The following FHIT variants were observed in gnomAD, a reference collection of about 807,000 sequenced individuals.
The protein encoded by FHIT is fragile histidine triad diadenosine triphosphatase.
FHIT carries 19 observed loss-of-function variants against 17.9 expected under a neutral mutation model. That is an observed-to-expected ratio of 1.06 (90% CI 0.74 to 1.56). The LOEUF is 1.56. FHIT is among the 40% of genes most tolerant of loss of function. The probability of loss-of-function intolerance (pLI) is 0.00; values close to 1 mark genes in which losing one functional copy is unlikely to be tolerated. For synonymous variants in FHIT, 81 were observed against 69.7 expected (o/e 1.16, Z -0.81); for missense variants, 248 against 189.2 (o/e 1.31, Z -1.82).
intron 2 of FHIT, among the ~76,000 whole-genome samples, chr3:61,058,061 A>C (rs1399227496): frequency 6.6e-6 from 1 of 152,190 alleles, no homozygotes; most frequent in African/African-American, 2.4e-5. Flanking sequence ...ACAGAAAAAA[A>C]AAAGACAAAA....
intron 3 of FHIT, among the ~76,000 whole-genome samples, chr3:60,824,719 C>T (rs1021208704): frequency 1.3e-5 from 2 of 152,074 alleles, no homozygotes; most frequent in Non-Finnish European, 2.9e-5. Flanking sequence ...CCATGCTGTT[C>T]TCATGAGAGT....
At chr3:60,274,506 T>C (rs543754330) in intron 5 of FHIT, among the ~76,000 whole-genome samples, 3 of 152,350 alleles carry the variant, frequency 2.0e-5, no homozygotes, top group Non-Finnish European at 2.9e-5. Context: ...TCAAACATTA[T>C]ACTTTTCTTT....
intron 2 of FHIT, among the ~76,000 whole-genome samples, chr3:61,108,622 C>G (rs894271395): frequency 2.6e-5 from 4 of 152,178 alleles, no homozygotes; most frequent in African/African-American, 9.7e-5. Context: ...TTCATCAAGG[C>G]CTTTAGATAT....
At chr3:61,028,321 G>C (rs975719356) in intron 3 of FHIT, among the ~76,000 whole-genome samples, 2 of 152,178 alleles carry the variant, frequency 1.3e-5, no homozygotes, top group African/African-American at 4.8e-5. Flanking sequence ...CTGCCTCCAA[G>C]ACAGTTGAGC....
chr3:60,390,270 T>TA (rs1291414608), intron 5 of FHIT, among the ~76,000 whole-genome samples: 1 of 151,806 alleles, frequency 6.6e-6, no homozygotes, highest in Non-Finnish European at 1.5e-5. Flanking sequence ...TTTTTAATAT[T>TA]AAAAAGATGA....
At chr3:61,019,499 G>A (rs2107642054) in intron 3 of FHIT, among the ~76,000 whole-genome samples, 1 of 152,294 alleles carries the variant, frequency 6.6e-6, no homozygotes, top group Middle Eastern at 3.4e-3. Context: ...TCATTACCGT[G>A]AATAGGAAGT....
At chr3:60,101,376 C>T (rs748367667) in intron 5 of FHIT, among the ~76,000 whole-genome samples, 11 of 152,232 alleles carry the variant, frequency 7.2e-5, no homozygotes, top group Non-Finnish European at 1.0e-4. Flanking sequence ...GCACTTGCTG[C>T]TCCTTTGACC....
At chr3:61,157,903 G>GT (rs1483532515) in intron 2 of FHIT, among the ~76,000 whole-genome samples, 2 of 152,166 alleles carry the variant, frequency 1.3e-5, no homozygotes, top group African/African-American at 4.8e-5. Context: ...TTACGAAGAG[G>GT]TAGAGATGGG....
chr3:60,235,237 T>TG (rs1559750178), intron 5 of FHIT, among the ~76,000 whole-genome samples: 1 of 149,126 alleles, frequency 6.7e-6, no homozygotes, highest in Non-Finnish European at 1.5e-5. Context: ...GTTTGTTGTT[T>TG]TTTTTTTTTT....
At chr3:60,775,612 G>A (rs1457528590) in intron 4 of FHIT, among the ~76,000 whole-genome samples, 1 of 152,192 alleles carries the variant, frequency 6.6e-6, no homozygotes, top group Non-Finnish European at 1.5e-5. Context: ...CTATGGAAAA[G>A]TCCTGCAATA....
intron 4 of FHIT, among the ~76,000 whole-genome samples, chr3:60,666,322 T>C (rs1475303339): frequency 1.3e-5 from 2 of 152,162 alleles, no homozygotes; most frequent in Non-Finnish European, 2.9e-5. Flanking sequence ...CATCTGAGAA[T>C]GTTTTTATTT....
chr3:61,137,031 C>T (rs968052291), intron 2 of FHIT, among the ~76,000 whole-genome samples: 3 of 152,116 alleles, frequency 2.0e-5, no homozygotes, highest in Non-Finnish European at 4.4e-5. Context: ...AGAATATAAT[C>T]TTTGTAATTT....
At chr3:60,293,209 T>C (rs1383423466) in intron 5 of FHIT, among the ~76,000 whole-genome samples, 1 of 152,096 alleles carries the variant, frequency 6.6e-6, no homozygotes, top group East Asian at 1.9e-4. Flanking sequence ...AAATATGATA[T>C]AGGGTCATTA....
At chr3:60,251,167 T>G (rs1705689960) in intron 5 of FHIT, among the ~76,000 whole-genome samples, 1 of 152,208 alleles carries the variant, frequency 6.6e-6, no homozygotes, top group African/African-American at 2.4e-5. Context: ...TGCATTTACC[T>G]TGGGCAACAA....
At chr3:60,685,258 A>T (rs1447341569) in intron 4 of FHIT, among the ~76,000 whole-genome samples, 13 of 152,278 alleles carry the variant, frequency 8.5e-5, no homozygotes, top group African/African-American at 3.1e-4. Flanking sequence ...AAATTGAATG[A>T]ATTAAATTTG....
At chr3:61,037,094 G>A (rs866912694) in intron 3 of FHIT, among the ~76,000 whole-genome samples, 36 of 151,956 alleles carry the variant, frequency 2.4e-4, no homozygotes, top group Admixed American at 2.1e-3. Flanking sequence ...TGTATTTTTA[G>A]TAGAGACAGG....
intron 3 of FHIT, among the ~76,000 whole-genome samples, chr3:60,859,582 CT>C (rs1553750822): frequency 1.3e-5 from 2 of 151,998 alleles, no homozygotes; most frequent in African/African-American, 4.8e-5. Context: ...CTACTCCTCA[CT>C]CTCCTTTTCC....
intron 7 of FHIT, among the ~76,000 whole-genome samples, chr3:59,967,004 C>G (rs1707957823): frequency 6.6e-6 from 1 of 152,032 alleles, no homozygotes; most frequent in African/African-American, 2.4e-5. Flanking sequence ...TTTCTTTATT[C>G]TATTTTTAAA....
At chr3:60,207,583 C>T (rs1016474645) in intron 5 of FHIT, among the ~76,000 whole-genome samples, 10 of 152,098 alleles carry the variant, frequency 6.6e-5, no homozygotes, top group African/African-American at 9.7e-5. Flanking sequence ...ACAGTCCCCC[C>T]GCCGACAAAT....
Sources: gnomAD v4.1 joint callset for allele counts (sites outside exome capture counted in the v4.1 genomes callset) on GRCh38, gnomAD v4.1.1 for gene constraint, MANE v1.5 for transcripts, NCBI Gene and HGNC (gene_info 2026-07-23, HGNC 2026-07-21) for gene names.